Variants in LHFPL3 observed in about 807,000 individuals in gnomAD.
LHFPL3 encodes the protein LHFPL tetraspan subfamily member 3, also known as LHFPL tetraspan subfamily member 3 protein.
LHFPL3 carries 5 observed loss-of-function variants against 19.3 expected under a neutral mutation model. The observed-to-expected ratio is 0.26, with a 90% confidence interval of 0.14 to 0.54. LHFPL3 has a LOEUF of 0.54. LHFPL3 is among the 20% of genes least tolerant of loss of function. The pLI, the probability that LHFPL3 is intolerant of heterozygous loss-of-function variation, is 0.94. For missense variants in LHFPL3, 249 were observed against 307.4 expected, an observed-to-expected ratio of 0.81 and a Z score of 1.42; for synonymous variants, 133 against 126.2, an observed-to-expected ratio of 1.05 and a Z score of -0.36.
chr7:104,584,447 T>C (rs1415039225), intron 1 of LHFPL3, among the ~76,000 whole-genome samples: 3 of 138,878 alleles, frequency 2.2e-5, no homozygotes, highest in African/African-American at 8.3e-5. Context: ...ACCCTAAAAC[T>C]TAAAGTATAA....
intron 1 of LHFPL3, among the ~76,000 whole-genome samples, chr7:104,578,019 T>G (rs945852090): frequency 1.3e-5 from 2 of 152,194 alleles, no homozygotes; most frequent in Admixed American, 6.5e-5. Context: ...TGTTGCGGCA[T>G]GTATAGGATG....
intron 1 of LHFPL3, among the ~76,000 whole-genome samples, chr7:104,344,564 T>G (rs547080441): frequency 6.6e-6 from 1 of 152,352 alleles, no homozygotes; most frequent in African/African-American, 2.4e-5. Flanking sequence ...GGCCTCTAGC[T>G]TCATCCAAGT....
At chr7:104,824,414 T>TA (rs1470689760) in intron 2 of LHFPL3, among the ~76,000 whole-genome samples, 2 of 47,196 alleles carry the variant, frequency 4.2e-5, no homozygotes, top group African/African-American at 8.6e-5. Context: ...ATAATATATA[T>TA]TTTATATATA....
intron 1 of LHFPL3, among the ~76,000 whole-genome samples, chr7:104,430,390 A>ATATG (rs1554393131): frequency 1.8e-4 from 11 of 59,466 alleles, no homozygotes; most frequent in African/African-American, 6.3e-4. Context: ...ATACATATAT[A>ATATG]TATATATATA....
chr7:104,599,743 A>C (rs1442011143), intron 1 of LHFPL3, among the ~76,000 whole-genome samples: 1 of 152,122 alleles, frequency 6.6e-6, no homozygotes, highest in African/African-American at 2.4e-5. Flanking sequence ...ACCTCAAAAC[A>C]GCTTATTTTC....
chr7:104,469,974 C>T (rs1792876419), intron 1 of LHFPL3: 11 of 455,648 alleles, frequency 2.4e-5, no homozygotes, highest in South Asian at 1.4e-4. Context: ...TAGGTGGTTG[C>T]GCTTGAAATG....
chr7:104,365,878 G>T (rs975606234), intron 1 of LHFPL3, among the ~76,000 whole-genome samples: 1 of 152,000 alleles, frequency 6.6e-6, no homozygotes, highest in Non-Finnish European at 1.5e-5. Context: ...ATACTGAAGG[G>T]TAGAGAAAAG....
intron 1 of LHFPL3, among the ~76,000 whole-genome samples, chr7:104,691,386 G>C (rs769188403): frequency 3.3e-5 from 5 of 152,248 alleles, no homozygotes; most frequent in African/African-American, 1.2e-4. Flanking sequence ...GACAGAGGGA[G>C]AGAAGACTAG....
In LHFPL3 at chr7:104,758,719, G is replaced by A. The variant is rs1057178950; in HGVS notation, c.682+21808G>A. 6.6e-5 allele frequency among the ~76,000 whole-genome samples: 10 copies of A among 151,956 alleles called. No homozygotes were observed. The East Asian group carries it at 1.9e-3, about 29-fold the overall frequency. ...TCATGTGACTAGTTGTTTTTCTCAG[G>A]GAAGCGTCACTCAAACAAGCTACGA... is the stretch of plus-strand genomic sequence containing the variant. On this transcript the variant is annotated intron_variant, in intron 2 of 2. Transcript: ENST00000424859.
chr7:104,729,907 C>A (rs995250558), intron 1 of LHFPL3, among the ~76,000 whole-genome samples: 1 of 152,092 alleles, frequency 6.6e-6, no homozygotes, highest in South Asian at 2.1e-4. Context: ...CCCCCCACCC[C>A]ACAACAGGCC....
chr7:104,601,078 T>C (rs558712058), intron 1 of LHFPL3, among the ~76,000 whole-genome samples: 1 of 152,308 alleles, frequency 6.6e-6, no homozygotes, highest in Non-Finnish European at 1.5e-5. Flanking sequence ...AAGCCAGAGG[T>C]TCTCAGCCTT....
intron 1 of LHFPL3, among the ~76,000 whole-genome samples, chr7:104,508,937 G>T (rs970332155): frequency 1.3e-5 from 2 of 151,900 alleles, no homozygotes; most frequent in African/African-American, 4.8e-5. Context: ...CACAAGCCCT[G>T]CAGACATTGA....
chr7:104,538,795 C>T (rs989949435), intron 1 of LHFPL3, among the ~76,000 whole-genome samples: 9 of 152,116 alleles, frequency 5.9e-5, no homozygotes, highest in Non-Finnish European at 7.4e-5. Context: ...TGTTAGCTTA[C>T]GTGGCAAAAG....
At chr7:104,396,503 C>T (rs1178761989) in intron 1 of LHFPL3, among the ~76,000 whole-genome samples, 2 of 152,030 alleles carry the variant, frequency 1.3e-5, no homozygotes, top group Admixed American at 6.6e-5. Context: ...TGCTGGGTTC[C>T]TCAAGGAAAG....
chr7:104,631,925 G>A (rs1440592516), intron 1 of LHFPL3, among the ~76,000 whole-genome samples: 1 of 152,146 alleles, frequency 6.6e-6, no homozygotes, highest in Non-Finnish European at 1.5e-5. Context: ...GTTATGGGAA[G>A]GAAAACTGAG....
At chr7:104,801,957 GAAA>G (rs890724902) in intron 2 of LHFPL3, among the ~76,000 whole-genome samples, 20 of 152,232 alleles carry the variant, frequency 1.3e-4, no homozygotes, top group Admixed American at 9.2e-4. Context: ...TAGTAAACAA[GAAA>G]AATGCTATTT....
chr7:104,366,465 A>C (rs184099861), intron 1 of LHFPL3, among the ~76,000 whole-genome samples: 159 of 152,344 alleles, frequency 1.0e-3, no homozygotes, highest in African/African-American at 3.7e-3. Flanking sequence ...ATGATGGCAG[A>C]AGATGAAGAC....
chr7:104,426,663 T>C (rs10273435), intron 1 of LHFPL3, among the ~76,000 whole-genome samples: 37,726 of 152,086 alleles, frequency 0.25, 5,875 homozygotes, highest in African/African-American at 0.41. Context: ...TAAAAATAGG[T>C]TTGTGCCAGG....
chr7:104,427,084 C>A (rs1368445506), intron 1 of LHFPL3, among the ~76,000 whole-genome samples: 3 of 152,190 alleles, frequency 2.0e-5, no homozygotes, highest in Non-Finnish European at 4.4e-5. Context: ...TAAGACCTAA[C>A]GTCTCGAGGT....
Sources: gnomAD v4.1 joint callset for allele counts (sites outside exome capture counted in the v4.1 genomes callset) on GRCh38, gnomAD v4.1.1 for gene constraint, MANE v1.5 for transcripts, NCBI Gene and HGNC (gene_info 2026-07-23, HGNC 2026-07-21) for gene names.